OR5F1: variants seen among roughly 807,000 people sequenced by gnomAD.
The protein encoded by OR5F1 is olfactory receptor 5F1.
For synonymous variants in OR5F1, 185 were observed against 153.2 expected (o/e 1.21, Z -1.53); for missense variants, 429 against 369.9 (o/e 1.16, Z -1.31).
In OR5F1 at chr11:55,994,257, A is replaced by C. The variant is rs1252530095; in HGVS notation, c.369T>G (p.Tyr123Ter). 6.2e-7 allele frequency: 1 copy of C among 1,613,698 alleles called. No individual in the cohort carries two copies. The highest frequency in any genetic ancestry group is 1.7e-5 in the Admixed American group (1 of 59,994). The change falls in exon 1 of 1, where the codon TAT becomes TAG. Residue 123 changes from tyrosine to a stop codon, truncating the protein, a stop_gained. Coordinates refer to ENST00000278409, the MANE Select transcript of OR5F1 (RefSeq NM_003697.1). LOFTEE classifies it low-confidence loss of function (END_TRUNC). ...AAAGCAGCGGGCGACATATGGCCGCATACCTGTCATAGGCCATTAACCCAA... is the reference window on the plus strand; with the variant it reads ...AAAGCAGCGGGCGACATATGGCCGCCTACCTGTCATAGGCCATTAACCCAA... ...ILFGLMAYDRYAAICRPLLYS... is the reference protein window; with the variant it reads ...ILFGLMAYDR
rs371962080 is a variant in OR5F1 at position 55,993,879 on chromosome 11, A to G, written c.747T>C (p.Ile249=). Residue 249 remains isoleucine (I), a synonymous_variant, in exon 1 of 1, where the codon ATT becomes ATC. Coordinates refer to ENST00000278409, the MANE Select transcript of OR5F1 (RefSeq NM_003697.1). ...STCASHLTAI[I]LFYATCIYTY... ...TATAGATGCAGGTGGCATAGAACAGAATTATGGCTGTCAGGTGAGAGGCAC... is the reference window on the plus strand; with the variant it reads ...TATAGATGCAGGTGGCATAGAACAGGATTATGGCTGTCAGGTGAGAGGCAC... 366 of 1,613,180 alleles carry G rather than the reference A, an allele frequency of 2.3e-4. 1 individual carries two copies. Among genetic ancestry groups the G allele is most frequent in the Non-Finnish European group, 2.7e-4 (317 of 1,179,288 alleles).
rs1330184135 is a variant in OR5F1 at position 55,994,290 on chromosome 11, G to T, written c.336C>A (p.Cys112Ter). The change falls in exon 1 of 1, where the codon TGC (cysteine) becomes TGA (stop). Residue 112 changes from cysteine (C) to a stop codon, truncating the protein, a stop_gained. Coordinates refer to ENST00000278409, the MANE Select transcript of OR5F1 (RefSeq NM_003697.1). LOFTEE classifies it low-confidence loss of function (END_TRUNC). ...CATAGGCCATTAACCCAAAGAGGAT[G>T]CATTCGGTTGTCGCCAGGGAGATAA... ...YFFISLATTE[C>*]ILFGLMAYDR... 3.7e-6 allele frequency: 6 copies of T among 1,613,788 alleles called. No homozygotes were observed. The highest frequency in any genetic ancestry group is 3.3e-5 in the South Asian group (3 of 91,074).
chr11:55,994,241 G>A lies in OR5F1; in HGVS notation c.385C>T (p.Pro129Ser). 1 of 1,613,938 alleles carries A rather than the reference G, an allele frequency of 6.2e-7. No homozygotes were observed. Residue 129 changes from proline to serine, a missense_variant, in exon 1 of 1, where the codon CCG becomes TCG. Coordinates refer to ENST00000278409, the MANE Select transcript of OR5F1 (RefSeq NM_003697.1). ...AYDRYAAICR[P>S]LLYSLIMSRT... ...GACATGATCAAGGAGTAAAGCAGCG[G>A]GCGACATATGGCCGCATACCTGTCA...
In OR5F1 at chr11:55,994,387, T is replaced by G. The variant is rs754983009; in HGVS notation, c.239A>C (p.Lys80Thr). The G allele has an allele frequency of 1.9e-6, 3 of 1,613,782 alleles. No homozygotes were observed. Among genetic ancestry groups the G allele is most frequent in the Admixed American group, 3.3e-5 (2 of 59,986 alleles). Residue 80 changes from lysine to threonine, a missense_variant, in exon 1 of 1, where the codon AAG (lysine) becomes ACG (threonine). Physicochemically the swap from Lys to Thr is moderately conservative, Grantham distance 78. Coordinates refer to ENST00000278409, the MANE Select transcript of OR5F1 (RefSeq NM_003697.1). ...DVCNSTTITP[K>T]MLADLLSEKK... ...CTCTGATAATAAATCTGCCAGCATCTTTGGGGTGATGGTAGTTGAGTTACA... is the reference window on the plus strand; with the variant it reads ...CTCTGATAATAAATCTGCCAGCATCGTTGGGGTGATGGTAGTTGAGTTACA...
At position 55,994,224 on chromosome 11, in the gene OR5F1, C is replaced by T. The variant is rs1418117945; in HGVS notation, c.402G>A (p.Leu134=). The change falls in exon 1 of 1, where the codon TTG becomes TTA. Residue 134 remains leucine (L), a synonymous_variant. Transcript: ENST00000278409. The part of the protein sequence containing the change: ...AAICRPLLYS[L]IMSRTVYLKM... The stretch of plus-strand genomic sequence containing the variant: ...TTAGGTAGACGGTCCTGGACATGAT[C>T]AAGGAGTAAAGCAGCGGGCGACATA... 22 of 1,613,718 alleles carry T rather than the reference C, an allele frequency of 1.4e-5. No homozygotes were observed. Among genetic ancestry groups the T allele is most frequent in the Non-Finnish European group, 1.9e-5 (22 of 1,179,990 alleles).
chr11:55,993,884 T>A lies in OR5F1; in HGVS notation c.742A>T (p.Ile248Leu). 2 of 1,613,946 alleles carry A rather than the reference T, an allele frequency of 1.2e-6. No individual in the cohort carries two copies. The highest frequency in any genetic ancestry group is 1.7e-6 in the Non-Finnish European group (2 of 1,179,994). ...FSTCASHLTA[I>L]ILFYATCIYT... The stretch of plus-strand genomic sequence containing the variant: ...ATGCAGGTGGCATAGAACAGAATTA[T>A]GGCTGTCAGGTGAGAGGCACACGTG... Residue 248 changes from isoleucine to leucine, a missense_variant, in exon 1 of 1, where the codon ATA (isoleucine) becomes TTA (leucine). Physicochemically the swap from Ile to Leu is conservative, Grantham distance 5. Transcript: ENST00000278409.
chr11:55,994,146 T>A lies in OR5F1; in HGVS notation c.480A>T (p.Thr160=), dbSNP rs920833909. 4 of 1,613,806 alleles carry A rather than the reference T, an allele frequency of 2.5e-6. No individual in the cohort carries two copies. The highest frequency in any genetic ancestry group is 2.5e-6 in the Non-Finnish European group (3 of 1,179,972). ...AAGLLNFMVN[T]SHVSSLSFCD... ...AGAATGACAAGCTGCTGACATGGCT[T>A]GTGTTGACCATGAAGTTCAGCAACC... Residue 160 remains threonine (T), a synonymous_variant, in exon 1 of 1, where the codon ACA becomes ACT. Coordinates refer to ENST00000278409, the MANE Select transcript of OR5F1 (RefSeq NM_003697.1).
In OR5F1 at chr11:55,994,161, G is replaced by T. The variant is rs765253139; in HGVS notation, c.465C>A (p.Asn155Lys). The change falls in exon 1 of 1, where the codon AAC (asparagine) becomes AAA (lysine). Residue 155 changes from asparagine to lysine, a missense_variant. By Grantham distance (94) the Asn-to-Lys change is moderately conservative. Coordinates refer to ENST00000278409, the MANE Select transcript of OR5F1 (RefSeq NM_003697.1). Reference protein sequence around the residue: ...AAGAFAAGLLNFMVNTSHVSS... With the variant: ...AAGAFAAGLLKFMVNTSHVSS... ...TGACATGGCTTGTGTTGACCATGAA[G>T]TTCAGCAACCCTGCAGCAAAAGCCC... The T allele has an allele frequency of 6.2e-7, 1 of 1,613,994 alleles. No homozygotes were observed. The highest frequency in any genetic ancestry group is 8.5e-7 in the Non-Finnish European group (1 of 1,179,994).
At position 55,994,036 on chromosome 11, in the gene OR5F1, C is replaced by T. The variant is rs1852992555; in HGVS notation, c.590G>A (p.Ser197Asn). The change falls in exon 1 of 1, where the codon AGC becomes AAC. Residue 197 changes from serine to asparagine, a missense_variant. Ser to Asn is a conservative substitution (Grantham distance 46, BLOSUM62 1). Coordinates refer to ENST00000278409, the MANE Select transcript of OR5F1 (RefSeq NM_003697.1). The stretch of plus-strand genomic sequence containing the variant: ...CACACCAGCCAAAATAGAACTTATG[C>T]TTTCTTTCAGGATTGTGTCAGAACA... ...LSCSDTILKE[S>N]ISSILAGVNI... is the part of the protein sequence containing the mutation. The T allele has an allele frequency of 5.6e-6, 9 of 1,613,958 alleles. No homozygotes were observed. Among genetic ancestry groups the T allele is most frequent in the Middle Eastern group, 1.6e-4 (1 of 6,062 alleles).
rs780996885 is a variant in OR5F1, at chr11:55,993,851, A to G, written c.775T>C (p.Tyr259His). The G allele has an allele frequency of 2.4e-5, 39 of 1,613,826 alleles. No homozygotes were observed. In the Admixed American group the frequency reaches 6.3e-4, roughly 26 times the overall value. Residue 259 changes from tyrosine to histidine, a missense_variant, in exon 1 of 1, where the codon TAC (tyrosine) becomes CAC (histidine). Transcript: ENST00000278409. ...GAGTAGCTGGAACTAGGTCTCAGGT[A>G]AGTATAGATGCAGGTGGCATAGAAC... ...ILFYATCIYT[Y>H]LRPSSSYSLN... is the part of the protein sequence containing the mutation.
chr11:55,994,077 TG>T lies in OR5F1; in HGVS notation c.548del (p.Pro183HisfsTer12). 6.2e-7 allele frequency: 1 copy of T among 1,613,922 alleles called. No homozygotes were observed. The highest frequency in any genetic ancestry group is 1.1e-5 in the South Asian group (1 of 91,082). On this transcript the variant is annotated frameshift_variant, in exon 1 of 1. Coordinates refer to ENST00000278409, the MANE Select transcript of OR5F1 (RefSeq NM_003697.1). LOFTEE classifies it low-confidence loss of function (END_TRUNC). The stretch of plus-strand genomic sequence containing the variant: ...TGTCAGAACAAGAGAGCTTGAAAAG[TG>T]GGGGACTGTCACAGAAGAAGTGATG... Reference protein sequence around the residue: ...VIHHFFCDSPPLFKLSCSDTI... With the variant: ...VIHHFFCDSPXLFKLSCSDTI...
Position 55,994,505 on chromosome 11 carries a change from C to G in OR5F1, c.121G>C (p.Gly41Arg). ...FLVIYTLTVL[G>R]NLGMILLIRI... is the part of the protein sequence containing the mutation. ...ATTAAGAGGATCATCCCGAGATTTC[C>G]CAGTACTGTAAGTGTATAAATCACA... The change falls in exon 1 of 1, where the codon GGA becomes CGA. Residue 41 changes from glycine (G) to arginine (R), a missense_variant. Physicochemically the swap from Gly to Arg is moderately radical, Grantham distance 125 (BLOSUM62 -2). Transcript: ENST00000278409. 6.2e-7 allele frequency: 1 copy of G among 1,613,402 alleles called. No individual in the cohort carries two copies. The highest frequency in any genetic ancestry group is 8.5e-7 in the Non-Finnish European group (1 of 1,179,764).
In OR5F1 at chr11:55,994,035, GCTTT is replaced by G. The variant is rs1852992588; in HGVS notation, c.587_590del (p.Glu196AlafsTer2). 5.0e-6 allele frequency: 8 copies of G among 1,613,968 alleles called. No homozygotes were observed. The East Asian group carries it at 1.8e-4, about 36-fold the overall frequency. Reference sequence around the variant, plus strand: ...TCACACCAGCCAAAATAGAACTTATGCTTTCTTTCAGGATTGTGTCAGAACAAGA... The same window carrying G: ...TCACACCAGCCAAAATAGAACTTATGCTTTCAGGATTGTGTCAGAACAAGA... On this transcript the variant is annotated frameshift_variant, in exon 1 of 1. Coordinates refer to ENST00000278409, the MANE Select transcript of OR5F1 (RefSeq NM_003697.1). LOFTEE classifies it low-confidence loss of function (END_TRUNC).
chr11:55,994,493 T>A lies in OR5F1; in HGVS notation c.133A>T (p.Met45Leu), dbSNP rs1853000525. The A allele has an allele frequency of 6.2e-7, 1 of 1,613,598 alleles. No homozygotes were observed. Among genetic ancestry groups the A allele is most frequent in the Admixed American group, 1.7e-5 (1 of 59,956 alleles). The change falls in exon 1 of 1, where the codon ATG (methionine) becomes TTG (leucine). Residue 45 changes from methionine (M) to leucine (L), a missense_variant. By Grantham distance (15) the Met-to-Leu change is conservative. Transcript: ENST00000278409. ...YTLTVLGNLGMILLIRIDSQL... is the reference protein window; with the variant it reads ...YTLTVLGNLGLILLIRIDSQL... ...GAATCGATCCTGATTAAGAGGATCA[T>A]CCCGAGATTTCCCAGTACTGTAAGT...
Position 55,994,183 on chromosome 11 carries a change from GC to G in OR5F1, c.442del (p.Ala148LeufsTer7). ...RTVYLKMAAG[A>X]FAAGLLNFMV... ...GAAGTTCAGCAACCCTGCAGCAAAA[GC>G]CCCGGCTGCCATTTTTAGGTAGACG... On this transcript the variant is annotated frameshift_variant, in exon 1 of 1. Transcript: ENST00000278409. LOFTEE classifies it low-confidence loss of function (END_TRUNC). 1 of 1,613,892 alleles carries G rather than the reference GC, an allele frequency of 6.2e-7. No homozygotes were observed. Among genetic ancestry groups the G allele is most frequent in the Middle Eastern group, 1.7e-4 (1 of 6,058 alleles).
rs1852992781 is a variant in OR5F1, at chr11:55,994,053, G to C, written c.573C>G (p.Asp191Glu). 1 of 1,613,866 alleles carries C rather than the reference G, an allele frequency of 6.2e-7. No homozygotes were observed. Among genetic ancestry groups the C allele is most frequent in the Non-Finnish European group, 8.5e-7 (1 of 1,179,978 alleles). The change falls in exon 1 of 1, where the codon GAC becomes GAG. Residue 191 changes from aspartate to glutamate, a missense_variant. By Grantham distance (45) the Asp-to-Glu change is conservative. Coordinates refer to ENST00000278409, the MANE Select transcript of OR5F1 (RefSeq NM_003697.1). ...SPPLFKLSCSDTILKESISSI... is the reference protein window; with the variant it reads ...SPPLFKLSCSETILKESISSI... ...AACTTATGCTTTCTTTCAGGATTGT[G>C]TCAGAACAAGAGAGCTTGAAAAGTG...
At position 55,993,946 on chromosome 11, in the gene OR5F1, G is replaced by GA; in HGVS notation, c.679dup (p.Ser227PhefsTer37). On this transcript the variant is annotated frameshift_variant, in exon 1 of 1. Coordinates refer to ENST00000278409, the MANE Select transcript of OR5F1 (RefSeq NM_003697.1). LOFTEE classifies it low-confidence loss of function (END_TRUNC). ...GTGCCTCCCCTCCCCCGAATGCATA[G>GA]AAAAAATGGAGAAGAGAACGTAGGA... 5 of 1,613,874 alleles carry GA rather than the reference G, an allele frequency of 3.1e-6. No individual in the cohort carries two copies. Among genetic ancestry groups the GA allele is most frequent in the East Asian group, 4.5e-5 (2 of 44,862 alleles).
Position 55,994,378 on chromosome 11 carries a change from G to T in OR5F1, c.248C>A (p.Ala83Glu). Residue 83 changes from alanine to glutamate, a missense_variant, in exon 1 of 1, where the codon GCA becomes GAA. Coordinates refer to ENST00000278409, the MANE Select transcript of OR5F1 (RefSeq NM_003697.1). ...NSTTITPKML[A>E]DLLSEKKTIS... ...GGTTTTCTTCTCTGATAATAAATCTGCCAGCATCTTTGGGGTGATGGTAGT... is the reference window on the plus strand; with the variant it reads ...GGTTTTCTTCTCTGATAATAAATCTTCCAGCATCTTTGGGGTGATGGTAGT... The T allele has an allele frequency of 6.2e-7, 1 of 1,613,826 alleles. No individual in the cohort carries two copies. The highest frequency in any genetic ancestry group is 1.1e-5 in the South Asian group (1 of 91,074).
Position 55,993,806 on chromosome 11 carries a change from C to G in OR5F1, c.820G>C (p.Ala274Pro). Residue 274 changes from alanine to proline, a missense_variant, in exon 1 of 1, where the codon GCT becomes CCT. Ala to Pro is a conservative substitution (Grantham distance 27). Coordinates refer to ENST00000278409, the MANE Select transcript of OR5F1 (RefSeq NM_003697.1). ...ATCACCACTGTGTAGAACACAGAAGCCACTTTGTCCTGATTCAGGGAGTAG... is the reference window on the plus strand; with the variant it reads ...ATCACCACTGTGTAGAACACAGAAGGCACTTTGTCCTGATTCAGGGAGTAG... Reference protein sequence around the residue: ...SSYSLNQDKVASVFYTVVIPM... With the variant: ...SSYSLNQDKVPSVFYTVVIPM... The G allele has an allele frequency of 1.9e-6, 3 of 1,613,480 alleles. No individual in the cohort carries two copies. Among genetic ancestry groups the G allele is most frequent in the Non-Finnish European group, 1.7e-6 (2 of 1,179,654 alleles).
Sources: allele counts gnomAD v4.1 joint callset, GRCh38; gene constraint gnomAD v4.1.1; transcripts MANE v1.5; gene names NCBI Gene and HGNC (gene_info 2026-07-23, HGNC 2026-07-21).